The following RABL3 variants were observed in gnomAD, a reference collection of about 807,000 sequenced individuals.
RABL3 encodes the protein RAB, member of RAS oncogene family like 3.
Under a neutral mutation model 31.8 loss-of-function variants are expected in RABL3, and 31 were observed. The ratio of observed to expected loss-of-function variants is 0.97; its 90% CI spans 0.73 to 1.31. The LOEUF is 1.31. Among genes scored for constraint, RABL3 ranks in the 40% most tolerant of loss-of-function variants. RABL3 has a pLI of 0.00. For synonymous variants in RABL3, 97 were observed against 99.9 expected, an observed-to-expected ratio of 0.97 and a Z score of 0.18; for missense variants, 263 against 279.6, an observed-to-expected ratio of 0.94 and a Z score of 0.42.
intron 1 of RABL3, among the ~76,000 whole-genome samples, chr3:120,740,376 C>T (rs1317945706): frequency 1.3e-5 from 2 of 152,152 alleles, no homozygotes; most frequent in African/African-American, 4.8e-5. Context: ...ATCTTCTCAC[C>T]TCAGCCTCCT....
chr3:120,736,865 C>A (rs1039146512), intron 1 of RABL3, among the ~76,000 whole-genome samples: 7 of 152,228 alleles, frequency 4.6e-5, no homozygotes, highest in Non-Finnish European at 1.5e-5. Context: ...TTGGTCCTCA[C>A]TCTCTTCTGG....
chr3:120,741,683 A>T (rs564221132), intron 1 of RABL3, among the ~76,000 whole-genome samples: 64 of 152,230 alleles, frequency 4.2e-4, no homozygotes, highest in East Asian at 3.3e-3. Context: ...AGATTAAAAA[A>T]ATATATATAT....
rs762353220 is a variant in RABL3, at chr3:120,698,408, A to G, written c.534+15T>C. On this transcript the variant is annotated intron_variant, in intron 5 of 7. Transcript: ENST00000273375. ...CCCGATAATAATACAAGCATGCATT[A>G]GTGAAAATACATACCAAATTAATTT... The G allele has an allele frequency of 6.2e-7, 1 of 1,606,334 alleles. No individual in the cohort carries two copies. Among genetic ancestry groups the G allele is most frequent in the East Asian group, 2.2e-5 (1 of 44,798 alleles).
rs142630897 is a variant in RABL3, at chr3:120,708,578, C to T, written c.268+1202G>A. Reference sequence around the variant, plus strand: ...AGTAATTTTACTGATACAAGTTGATCACTCTAGTATAAGTCTAAACTAGGT... The same window carrying T: ...AGTAATTTTACTGATACAAGTTGATTACTCTAGTATAAGTCTAAACTAGGT... On this transcript the variant is annotated intron_variant, in intron 3 of 7. Coordinates refer to ENST00000273375, the MANE Select transcript of RABL3 (RefSeq NM_173825.5). 1.1e-3 allele frequency among the ~76,000 whole-genome samples: 166 copies of T among 152,098 alleles called. 1 individual carries two copies. Among genetic ancestry groups the T allele is most frequent in the Non-Finnish European group, 1.8e-3 (122 of 67,882 alleles).
chr3:120,686,868 T>C lies in RABL3; in HGVS notation c.*2955A>G, dbSNP rs898197706. On this transcript the variant is annotated 3_prime_UTR_variant, in exon 8 of 8. Coordinates refer to ENST00000273375, the MANE Select transcript of RABL3 (RefSeq NM_173825.5). ...CTGTGGAGAACTTAGCAAGTCCTAT[T>C]TGTCCAGATTCTTCTTGGTGTCTCT... 2.6e-5 allele frequency: 4 copies of C among 152,192 alleles called. No individual in the cohort carries two copies. Among genetic ancestry groups the C allele is most frequent in the African/African-American group, 9.6e-5 (4 of 41,454 alleles). 9.4% of individuals were successfully genotyped at this position (152,192 alleles called of 1,614,324 possible).
At chr3:120,705,495 T>C (rs991163615) in intron 4 of RABL3, among the ~76,000 whole-genome samples, 6 of 152,294 alleles carry the variant, frequency 3.9e-5, no homozygotes, top group Non-Finnish European at 8.8e-5. Context: ...CATACTAATA[T>C]GGTCAACTGA....
At chr3:120,698,359 A>C (rs1425652845) in intron 5 of RABL3, 64 bp downstream of exon 5, 2 of 1,406,968 alleles carry the variant, frequency 1.4e-6, no homozygotes, top group East Asian at 4.6e-5. Flanking sequence ...ATATTATTTG[A>C]ATATGTCTTC....
chr3:120,719,530 A>G (rs912769841), intron 2 of RABL3, among the ~76,000 whole-genome samples: 2 of 152,230 alleles, frequency 1.3e-5, no homozygotes, highest in Non-Finnish European at 2.9e-5. Context: ...CGGTCTTAGC[A>G]AAAGGCACAC....
chr3:120,736,248 T>A (rs1708961903), intron 1 of RABL3, among the ~76,000 whole-genome samples: 1 of 152,222 alleles, frequency 6.6e-6, no homozygotes, highest in African/African-American at 2.4e-5. Context: ...TGCATATATG[T>A]TTAGGATAGT....
intron 2 of RABL3, among the ~76,000 whole-genome samples, chr3:120,728,136 T>C (rs1191740226): frequency 6.6e-6 from 1 of 151,978 alleles, no homozygotes; most frequent in Non-Finnish European, 1.5e-5. Context: ...ATGAATAGAA[T>C]GGGCACTGGG....
chr3:120,730,236 G>C (rs116220805), intron 2 of RABL3, among the ~76,000 whole-genome samples: 93 of 152,242 alleles, frequency 6.1e-4, no homozygotes, highest in African/African-American at 2.1e-3. Context: ...AATGATATCT[G>C]GGAAGATATT....
intron 4 of RABL3, among the ~76,000 whole-genome samples, chr3:120,700,427 C>T (rs1004839267): frequency 3.3e-5 from 5 of 151,862 alleles, no homozygotes; most frequent in Admixed American, 3.3e-4. Context: ...GACAAACAGC[C>T]ATCTTCTTCT....
rs182202430 is a variant in RABL3, at chr3:120,719,166, A to T, written c.139-9257T>A. ...AATTACAAAATATACTTTGTTTTCA[A>T]GTGCATATGAAATTTTTATCAAAAT... On this transcript the variant is annotated intron_variant, in intron 2 of 7. Coordinates refer to ENST00000273375, the MANE Select transcript of RABL3 (RefSeq NM_173825.5). 1.2e-3 allele frequency among the ~76,000 whole-genome samples: 189 copies of T among 152,356 alleles called. 2 individuals carry two copies. The highest frequency in any genetic ancestry group is 0.011 in the Admixed American group (174 of 15,308).
Position 120,685,600 on chromosome 3 carries a change from T to A in RABL3, c.*4223A>T, listed in dbSNP as rs933598248. 6.6e-6 allele frequency among the ~76,000 whole-genome samples: 1 copy of A among 152,096 alleles called. No homozygotes were observed. Among genetic ancestry groups the A allele is most frequent in the African/African-American group, 2.4e-5 (1 of 41,428 alleles). ...GTTTTGCCAACAGAAGACATGACAA[T>A]CATCTCATGTTTAATTTGGCATATG... On this transcript the variant is annotated 3_prime_UTR_variant, in exon 8 of 8. Coordinates refer to ENST00000273375, the MANE Select transcript of RABL3 (RefSeq NM_173825.5).
chr3:120,708,914 A>G (rs752710870), intron 3 of RABL3, among the ~76,000 whole-genome samples: 1 of 151,952 alleles, frequency 6.6e-6, no homozygotes, highest in African/African-American at 2.4e-5. Flanking sequence ...TAGAGTCTAC[A>G]ACACCTCATG....
At chr3:120,693,503 A>G (rs1387329836) in intron 6 of RABL3, among the ~76,000 whole-genome samples, 1 of 152,230 alleles carries the variant, frequency 6.6e-6, no homozygotes, top group Non-Finnish European at 1.5e-5. Context: ...TTACTATGCA[A>G]TGTGAGCATT....
chr3:120,691,551 A>T (rs1171514447), intron 6 of RABL3, among the ~76,000 whole-genome samples: 1 of 152,196 alleles, frequency 6.6e-6, no homozygotes, highest in Non-Finnish European at 1.5e-5. Context: ...AAGTGTTCTG[A>T]GCATGTTTAA....
intron 2 of RABL3, among the ~76,000 whole-genome samples, chr3:120,721,602 G>A (rs1291928994): frequency 6.6e-6 from 1 of 152,114 alleles, no homozygotes; most frequent in African/African-American, 2.4e-5. Flanking sequence ...TAATGGTAAA[G>A]GGATCAATTC....
At chr3:120,697,658 T>C (rs1409470868) in intron 5 of RABL3, among the ~76,000 whole-genome samples, 1 of 152,184 alleles carries the variant, frequency 6.6e-6, no homozygotes, top group African/African-American at 2.4e-5. Context: ...GACTCAATCC[T>C]CTATATATGC....
Sources: allele counts gnomAD v4.1 joint callset (sites outside exome capture counted in the v4.1 genomes callset), GRCh38; gene constraint gnomAD v4.1.1; transcripts MANE v1.5; gene names NCBI Gene and HGNC (gene_info 2026-07-23, HGNC 2026-07-21).